The following MTUS1 variants were observed in gnomAD, a reference collection of about 807,000 sequenced individuals.
The protein encoded by MTUS1 is microtubule-associated tumor suppressor 1.
MTUS1 carries 109 observed loss-of-function variants against 120.8 expected under a neutral mutation model. The ratio of observed to expected loss-of-function variants is 0.90; its 90% CI spans 0.77 to 1.06. The LOEUF is 1.06. Among genes scored for constraint, MTUS1 ranks in the 50% least tolerant of loss-of-function variants. The pLI is 0.00. For missense variants in MTUS1, 2,210 were observed against 1,486.3 expected (o/e 1.49, Z -8.01); for synonymous variants, 737 against 550.5 (o/e 1.34, Z -4.74).
chr8:17,685,098 G>T (rs1815485167), intron 6 of MTUS1, among the ~76,000 whole-genome samples: 1 of 152,070 alleles, frequency 6.6e-6, no homozygotes, highest in Non-Finnish European at 1.5e-5. Flanking sequence ...AATATACTCA[G>T]ATTTTGCCTC....
At chr8:17,757,254 TATA>T (rs1272774059) in intron 1 of MTUS1, among the ~76,000 whole-genome samples, 4 of 152,294 alleles carry the variant, frequency 2.6e-5, no homozygotes, top group African/African-American at 9.6e-5. Context: ...ACAACACGGA[TATA>T]ATATTACACT....
At chr8:17,786,629 G>A (rs1177743087) in intron 1 of MTUS1, among the ~76,000 whole-genome samples, 1 of 152,150 alleles carries the variant, frequency 6.6e-6, no homozygotes, top group Non-Finnish European at 1.5e-5. Flanking sequence ...GATGTGTGAG[G>A]CAGTTGGGTT....
At chr8:17,678,228 A>C (rs1813512460) in intron 7 of MTUS1, among the ~76,000 whole-genome samples, 1 of 152,122 alleles carries the variant, frequency 6.6e-6, no homozygotes, top group Admixed American at 6.6e-5. Context: ...TCCTTTAGAT[A>C]CTGATTTACT....
intron 3 of MTUS1, among the ~76,000 whole-genome samples, chr8:17,735,854 C>G (rs2046888156): frequency 6.6e-6 from 1 of 152,242 alleles, no homozygotes; most frequent in Non-Finnish European, 1.5e-5. Flanking sequence ...ATGGATTTCA[C>G]CGTCTAGAAG....
intron 1 of MTUS1, among the ~76,000 whole-genome samples, chr8:17,794,562 C>T (rs1240873185): frequency 2.6e-5 from 4 of 152,112 alleles, no homozygotes; most frequent in South Asian, 4.1e-4. Context: ...TCTCATTCTC[C>T]AATATCCTTC....
intron 3 of MTUS1, among the ~76,000 whole-genome samples, chr8:17,729,703 G>T (rs953079065): frequency 4.6e-5 from 7 of 151,900 alleles, no homozygotes; most frequent in Non-Finnish European, 1.0e-4. Context: ...GCTTTTAAAC[G>T]CAGGAATTGA....
intron 1 of MTUS1, among the ~76,000 whole-genome samples, chr8:17,778,536 G>A (rs1359549988): frequency 6.6e-6 from 1 of 152,186 alleles, no homozygotes; most frequent in African/African-American, 2.4e-5. Context: ...TAAAGAGGAG[G>A]GCAGGTGTGG....
chr8:17,671,134 A>C (rs151132459), intron 8 of MTUS1, among the ~76,000 whole-genome samples: 15 of 152,200 alleles, frequency 9.9e-5, no homozygotes, highest in Non-Finnish European at 8.8e-5. Context: ...ATTACACCTT[A>C]ATTTAAAAAA....
At chr8:17,647,780 T>TA (rs1303841690) in intron 13 of MTUS1, among the ~76,000 whole-genome samples, 1 of 152,170 alleles carries the variant, frequency 6.6e-6, no homozygotes, top group East Asian at 1.9e-4. Context: ...TTTAATCACT[T>TA]AACATGATGA....
intron 6 of MTUS1, among the ~76,000 whole-genome samples, chr8:17,694,599 C>T (rs986220308): frequency 1.3e-5 from 2 of 151,846 alleles, no homozygotes; most frequent in Admixed American, 6.6e-5. Context: ...ACCTGGGAGG[C>T]GGAGGTTGCA....
chr8:17,756,209 T>C (rs2048597128), intron 1 of MTUS1, among the ~76,000 whole-genome samples: 2 of 152,210 alleles, frequency 1.3e-5, no homozygotes, highest in African/African-American at 4.8e-5. Flanking sequence ...ACCCTGTCCC[T>C]GACTTTATAA....
intron 1 of MTUS1, chr8:17,758,005 A>G (rs1019637637): frequency 6.6e-6 from 1 of 151,932 alleles, no homozygotes; most frequent in African/African-American, 2.4e-5. Flanking sequence ...TACTGCAAAC[A>G]GATACGCACA....
intron 4 of MTUS1, chr8:17,722,015 A>T: frequency 7.1e-7 from 1 of 1,416,770 alleles, no homozygotes; most frequent in Non-Finnish European, 9.2e-7. Flanking sequence ...AAAATGCGTA[A>T]GCTCCAAGGC....
chr8:17,762,797 C>A (rs531309986), intron 1 of MTUS1, among the ~76,000 whole-genome samples: 13 of 152,150 alleles, frequency 8.5e-5, no homozygotes, highest in Admixed American at 8.5e-4. Flanking sequence ...GGTTGGTCAA[C>A]TGACTGATTC....
chr8:17,673,784 C>T (rs548682004), intron 8 of MTUS1, among the ~76,000 whole-genome samples: 156 of 152,230 alleles, frequency 1.0e-3, no homozygotes, highest in Non-Finnish European at 1.6e-3. Flanking sequence ...ACGTTCACTG[C>T]CGTTTGATTT....
At chr8:17,696,705 A>G (rs1818048456) in intron 6 of MTUS1, among the ~76,000 whole-genome samples, 1 of 152,232 alleles carries the variant, frequency 6.6e-6, no homozygotes, top group African/African-American at 2.4e-5. Context: ...GAGACTGCAC[A>G]CACTTTTATT....
At chr8:17,689,964 G>A (rs562409292) in intron 6 of MTUS1, among the ~76,000 whole-genome samples, 4 of 152,120 alleles carry the variant, frequency 2.6e-5, no homozygotes, top group East Asian at 1.9e-4. Flanking sequence ...AACATTGGCC[G>A]ACGCAAGGAA....
At chr8:17,684,205 T>C (rs1045310737) in intron 7 of MTUS1, 123 bp downstream of exon 7, 1 of 705,398 alleles carries the variant, frequency 1.4e-6, no homozygotes. Flanking sequence ...TGTAATGGGA[T>C]GAATGACACC....
At chr8:17,782,232 G>T (rs1234519006) in intron 1 of MTUS1, among the ~76,000 whole-genome samples, 1 of 152,108 alleles carries the variant, frequency 6.6e-6, no homozygotes, top group Non-Finnish European at 1.5e-5. Flanking sequence ...TTGGGAAAAG[G>T]TATTGATAAA....
Sources: gnomAD v4.1 joint callset for allele counts (sites outside exome capture counted in the v4.1 genomes callset) on GRCh38, gnomAD v4.1.1 for gene constraint, MANE v1.5 for transcripts, NCBI Gene and HGNC (gene_info 2026-07-23, HGNC 2026-07-21) for gene names.